The following ADARB1 variants were observed in gnomAD, a reference collection of about 807,000 sequenced individuals.
ADARB1 encodes double-stranded RNA-specific editase 1.
Under a neutral mutation model 52.4 loss-of-function variants are expected in ADARB1, and 10 were observed. That is an observed-to-expected ratio of 0.19 (90% confidence interval 0.12 to 0.32). The LOEUF (loss-of-function observed/expected upper bound fraction) is 0.32, where lower values mean the gene tolerates loss of function less well. Ranked by LOEUF, ADARB1 falls within the 10% of genes least tolerant of loss-of-function variation. ADARB1 has a pLI of 1.00. For missense variants in ADARB1, 643 were observed against 922.3 expected, an observed-to-expected ratio of 0.70 and a Z score of 3.92; for synonymous variants, 349 against 371.1, an observed-to-expected ratio of 0.94 and a Z score of 0.68.
chr21:45,139,374 A>G (rs1201531266), intron 2 of ADARB1, among the ~76,000 whole-genome samples: 4 of 152,156 alleles, frequency 2.6e-5, no homozygotes, highest in Non-Finnish European at 2.9e-5. Flanking sequence ...TGGATTTGGT[A>G]TACTTGATTT....
chr21:45,122,292 CA>C (rs1601441980), intron 1 of ADARB1, among the ~76,000 whole-genome samples: 2 of 152,242 alleles, frequency 1.3e-5, no homozygotes, highest in East Asian at 3.9e-4. Context: ...TTCGTTTAAT[CA>C]ATATGATTAT....
intron 8 of ADARB1, among the ~76,000 whole-genome samples, chr21:45,185,421 TCTC>T (rs558516645): frequency 1.1e-3 from 174 of 152,366 alleles, no homozygotes; most frequent in Middle Eastern, 6.8e-3. Context: ...ACTACTGGCT[TCTC>T]CTCATTAGTA....
At chr21:45,084,806 T>A (rs2086276941) in intron 1 of ADARB1, among the ~76,000 whole-genome samples, 2 of 152,338 alleles carry the variant, frequency 1.3e-5, no homozygotes, top group South Asian at 4.1e-4. Flanking sequence ...CAGTTTTGTT[T>A]CTTTTTCTTT....
Position 45,225,207 on chromosome 21 carries a change from G to A in ADARB1, c.*3010G>A. On this transcript the variant is annotated 3_prime_UTR_variant, in exon 11 of 11. Coordinates refer to ENST00000348831, the MANE Select transcript of ADARB1 (RefSeq NM_001112.4). ...TGGGAGGTCTCAGGTGGGGCGGTGT[G>A]TTCTGTGCCATGAGGCAGCGACAGG... is the stretch of plus-strand genomic sequence containing the variant. 3.7e-6 allele frequency: 4 copies of A among 1,068,420 alleles called. No homozygotes were observed. The highest frequency in any genetic ancestry group is 4.5e-6 in the Non-Finnish European group (4 of 884,672). The allele number at this position is 1,068,420 out of a possible 1,614,324, so 66.2% of individuals were successfully genotyped here.
Position 45,221,063 on chromosome 21 carries a change from C to G in ADARB1, c.1926+49C>G, listed in dbSNP as rs889813703. 40 of 1,543,932 alleles carry G rather than the reference C, an allele frequency of 2.6e-5. No homozygotes were observed. The highest frequency in any genetic ancestry group is 3.4e-5 in the Non-Finnish European group (39 of 1,141,488). ...TGCGCCGGCTCCACCTCCCCAATAG[C>G]TTGTCTGTCCTCACACCTACTGTTC... On this transcript the variant is annotated intron_variant, in intron 10 of 10. Transcript: ENST00000348831. This position sits in a 1 kb window ranked among gnomAD's most constrained non-coding sequence, Gnocchi z 4.9.
At chr21:45,138,629 G>T (rs984273271) in intron 2 of ADARB1, among the ~76,000 whole-genome samples, 28 of 152,196 alleles carry the variant, frequency 1.8e-4, no homozygotes, top group African/African-American at 6.8e-4. Flanking sequence ...CAAGAAGTGT[G>T]TTTTGTGGCC....
intron 1 of ADARB1, among the ~76,000 whole-genome samples, chr21:45,090,427 G>C (rs747718107): frequency 2.6e-5 from 4 of 151,984 alleles, no homozygotes; most frequent in Non-Finnish European, 5.9e-5. Flanking sequence ...CCTGGCTTTT[G>C]GTGGGAAGGA....
rs763107211 is a variant in ADARB1 at position 45,171,613 on chromosome 21, G to A, written c.-44G>A. ...CTATTTTCTTACTGTCTTTCAGACA[G>A]AAACAGTCTCCGCCAGTCAAGAAAC... is the stretch of plus-strand genomic sequence containing the variant. On this transcript the variant is annotated 5_prime_UTR_variant, in exon 3 of 11. Coordinates refer to ENST00000348831, the MANE Select transcript of ADARB1 (RefSeq NM_001112.4). The A allele has an allele frequency of 3.1e-6, 5 of 1,605,860 alleles. No individual in the cohort carries two copies. The highest frequency in any genetic ancestry group is 4.3e-6 in the Non-Finnish European group (5 of 1,172,976).
intron 2 of ADARB1, chr21:45,144,801 A>G (rs2089925795): frequency 3.0e-6 from 1 of 331,006 alleles, no homozygotes; most frequent in Non-Finnish European, 6.1e-6. Context: ...CAGATTTACC[A>G]CAATTAGGAT....
At position 45,076,305 on chromosome 21, in the gene ADARB1, C is replaced by G. The variant is rs577611540; in HGVS notation, c.-220+1512C>G. Among the ~76,000 whole-genome samples, 79 of 152,322 alleles carry G rather than the reference C, an allele frequency of 5.2e-4. 1 individual carries two copies. The highest frequency in any genetic ancestry group is 7.9e-4 in the Non-Finnish European group (54 of 68,030). On this transcript the variant is annotated intron_variant, in intron 1 of 10. Transcript: ENST00000348831. ...ACAGGGTCCAGTATGCATGGACAGC[C>G]ACAACGGGGGCTCGGTAAGTATTTG...
At chr21:45,158,157 G>T (rs1452011047) in intron 2 of ADARB1, among the ~76,000 whole-genome samples, 1 of 152,194 alleles carries the variant, frequency 6.6e-6, no homozygotes, top group Admixed American at 6.5e-5. Context: ...GAAGGGCCCA[G>T]CCTGGCCCTG....
At chr21:45,199,118 G>A (rs1339897734) in intron 8 of ADARB1, among the ~76,000 whole-genome samples, 1 of 152,158 alleles carries the variant, frequency 6.6e-6, no homozygotes, top group African/African-American at 2.4e-5. Flanking sequence ...CTAGATGGAG[G>A]CTTGTCTCTC....
intron 2 of ADARB1, among the ~76,000 whole-genome samples, chr21:45,130,829 TA>T (rs1158234608): frequency 6.6e-6 from 1 of 152,176 alleles, no homozygotes; most frequent in Admixed American, 6.5e-5. Context: ...CTTGTGTTTT[TA>T]TACATGAGAT....
In ADARB1 at chr21:45,224,865, T is replaced by C; in HGVS notation, c.*2668T>C. The C allele has an allele frequency of 1.0e-6, 1 of 985,872 alleles. No homozygotes were observed. The highest frequency in any genetic ancestry group is 1.2e-6 in the Non-Finnish European group (1 of 829,952). The allele number at this position is 985,872 out of a possible 1,614,324, so 61.1% of individuals were successfully genotyped here. On this transcript the variant is annotated 3_prime_UTR_variant, in exon 11 of 11. Transcript: ENST00000348831. Reference sequence around the variant, plus strand: ...CCTCCGTGAGACAGATCGGGGACCTTAGCACTTTAATCCCTCCCTTCTGAG... The same window carrying C: ...CCTCCGTGAGACAGATCGGGGACCTCAGCACTTTAATCCCTCCCTTCTGAG...
At chr21:45,149,226 C>G (rs2090160145) in intron 2 of ADARB1, among the ~76,000 whole-genome samples, 1 of 152,244 alleles carries the variant, frequency 6.6e-6, no homozygotes, top group African/African-American at 2.4e-5. Flanking sequence ...TTGCCTTACT[C>G]TATCTCAGAA....
At chr21:45,113,519 G>A (rs985336471) in intron 1 of ADARB1, among the ~76,000 whole-genome samples, 1 of 150,256 alleles carries the variant, frequency 6.7e-6, no homozygotes, top group Non-Finnish European at 1.5e-5. Context: ...GTGTGTGTGT[G>A]TGTGTATATA....
chr21:45,223,624 C>T lies in ADARB1; in HGVS notation c.*1427C>T. ...GGAGAGATTGGTGCAGACCTTACCCCACAGCATACACCTGCCACAGCGAAA... is the reference window on the plus strand; with the variant it reads ...GGAGAGATTGGTGCAGACCTTACCCTACAGCATACACCTGCCACAGCGAAA... On this transcript the variant is annotated 3_prime_UTR_variant, in exon 11 of 11. Transcript: ENST00000348831. The T allele has an allele frequency of 1.0e-6, 1 of 985,716 alleles. No individual in the cohort carries two copies. The highest frequency in any genetic ancestry group is 1.2e-6 in the Non-Finnish European group (1 of 830,176). 61.1% of individuals were successfully genotyped at this position (985,716 alleles called of 1,614,324 possible).
At chr21:45,183,313 T>G in intron 6 of ADARB1, 49 bp from the exon 7 acceptor site, 1 of 1,517,100 alleles carries the variant, frequency 6.6e-7, no homozygotes, top group Non-Finnish European at 8.8e-7. Context: ...GACTAAAATT[T>G]AACTATATAC....
intron 2 of ADARB1, among the ~76,000 whole-genome samples, chr21:45,151,824 A>G (rs1225012989): frequency 2.6e-5 from 4 of 152,218 alleles, no homozygotes; most frequent in Admixed American, 6.5e-5. Context: ...CAGGCTGGCC[A>G]TGGTACTGTG....
Sources: allele counts gnomAD v4.1 joint callset (sites outside exome capture counted in the v4.1 genomes callset), GRCh38; gene constraint gnomAD v4.1.1; non-coding constraint Gnocchi (gnomAD v3.1); transcripts MANE v1.5; gene names NCBI Gene and HGNC (gene_info 2026-07-23, HGNC 2026-07-21).